Variants in ARHGAP35 observed in about 807,000 individuals in gnomAD.
The protein encoded by ARHGAP35 is Rho GTPase activating protein 35.
A neutral mutation model predicts 111.1 loss-of-function variants in ARHGAP35; 15 were observed. That is an observed-to-expected ratio of 0.13 (90% CI 0.09 to 0.21). The LOEUF (loss-of-function observed/expected upper bound fraction) is 0.21. Among genes scored for constraint, ARHGAP35 ranks in the 10% least tolerant of loss-of-function variants. The pLI is 1.00. For synonymous variants in ARHGAP35, 643 were observed against 710.3 expected (o/e 0.91, Z 1.51); for missense variants, 1,262 against 1,873.0 (o/e 0.67, Z 6.02).
chr19:46,870,102 A>G (rs543505405), intron 1 of ARHGAP35, among the ~76,000 whole-genome samples: 2 of 151,326 alleles, frequency 1.3e-5, no homozygotes, highest in South Asian at 2.1e-4. Flanking sequence ...GCCCGCCACC[A>G]TGCCTGGCTA....
chr19:46,935,745 G>A (rs1253398551), intron 2 of ARHGAP35, among the ~76,000 whole-genome samples: 1 of 152,118 alleles, frequency 6.6e-6, no homozygotes, highest in African/African-American at 2.4e-5. Context: ...ATCCTATTTG[G>A]TTACTTTTCT....
chr19:46,925,023 G>A (rs978283096), intron 2 of ARHGAP35, among the ~76,000 whole-genome samples: 1 of 152,172 alleles, frequency 6.6e-6, no homozygotes, highest in Non-Finnish European at 1.5e-5. Context: ...TTCCTAACCT[G>A]AGACTTCCTT....
intron 1 of ARHGAP35, among the ~76,000 whole-genome samples, chr19:46,905,009 C>G (rs1410337182): frequency 6.6e-6 from 1 of 152,174 alleles, no homozygotes; most frequent in Admixed American, 6.5e-5. Context: ...TCCTGTCTAT[C>G]TAGCTGAGTT....
intron 3 of ARHGAP35, among the ~76,000 whole-genome samples, chr19:46,971,275 G>T (rs370925761): frequency 2.6e-5 from 4 of 151,958 alleles, no homozygotes; most frequent in African/African-American, 7.2e-5. Context: ...GCGTGGTGGC[G>T]TGCGTCTGTA....
Position 46,992,532 on chromosome 19 carries a change from G to A in ARHGAP35, c.4036+2857G>A, listed in dbSNP as rs577548358. ...AGTCGCTCTTGCCTGGTTTCTCCCCGTCTCTGTGACTCCCTCCTCCCTGCC... is the reference window on the plus strand; with the variant it reads ...AGTCGCTCTTGCCTGGTTTCTCCCCATCTCTGTGACTCCCTCCTCCCTGCC... On this transcript the variant is annotated intron_variant, in intron 5 of 6. Transcript: ENST00000672722. The surrounding 1 kb of genome is among the most constrained non-coding windows in gnomAD (Gnocchi z 4.4). Among the ~76,000 whole-genome samples, 35 of 146,502 alleles carry A rather than the reference G, an allele frequency of 2.4e-4. 1 individual carries two copies. In the South Asian group the frequency reaches 5.3e-3, roughly 22 times the overall value.
intron 3 of ARHGAP35, among the ~76,000 whole-genome samples, chr19:46,983,355 AC>A (rs1333936586): frequency 2.0e-5 from 3 of 152,136 alleles, no homozygotes; most frequent in Admixed American, 1.3e-4. Context: ...TATTGTGAGA[AC>A]TGCTATGAAA....
At chr19:46,948,999 T>C (rs1310013428) in intron 3 of ARHGAP35, 3 of 151,904 alleles carry the variant, frequency 2.0e-5, no homozygotes, top group Non-Finnish European at 4.4e-5. Flanking sequence ...TTACTAAAAA[T>C]ACAAAAAATT....
intron 3 of ARHGAP35, among the ~76,000 whole-genome samples, chr19:46,972,033 G>A (rs1364403892): frequency 6.6e-6 from 1 of 152,124 alleles, no homozygotes; most frequent in Admixed American, 6.5e-5. Context: ...TTTTTGAGAT[G>A]GAGTCTCGCT....
chr19:46,883,158 G>A (rs149322456), intron 1 of ARHGAP35, among the ~76,000 whole-genome samples: 2,978 of 151,756 alleles, frequency 0.02, 90 homozygotes, highest in African/African-American at 0.067. Context: ...GTAGTGGCAC[G>A]ATCTCGGCTC....
At chr19:46,866,561 G>A (rs946009769) in intron 1 of ARHGAP35, among the ~76,000 whole-genome samples, 1 of 152,188 alleles carries the variant, frequency 6.6e-6, no homozygotes, top group African/African-American at 2.4e-5. Context: ...TCTGATTGTA[G>A]ATTCTTGTTG....
chr19:46,972,705 A>T (rs2056557509), intron 3 of ARHGAP35, among the ~76,000 whole-genome samples: 2 of 152,232 alleles, frequency 1.3e-5, no homozygotes, highest in Non-Finnish European at 2.9e-5. Context: ...TGGAGCTCAC[A>T]TTGCCAGGCC....
intron 3 of ARHGAP35, among the ~76,000 whole-genome samples, chr19:46,985,501 G>T (rs948400250): frequency 6.6e-6 from 1 of 152,248 alleles, no homozygotes; most frequent in Non-Finnish European, 1.5e-5. Context: ...CCTCTTAGCA[G>T]CTATGATCTG....
intron 1 of ARHGAP35, among the ~76,000 whole-genome samples, chr19:46,867,400 A>C (rs1417476320): frequency 1.3e-5 from 2 of 152,168 alleles, no homozygotes; most frequent in Non-Finnish European, 2.9e-5. Context: ...TGGTAATTGC[A>C]TTTGGACAAT....
chr19:46,888,945 A>G (rs909306342), intron 1 of ARHGAP35, among the ~76,000 whole-genome samples: 1 of 151,168 alleles, frequency 6.6e-6, no homozygotes, highest in Non-Finnish European at 1.5e-5. Context: ...GGTTGCAGTG[A>G]GCCAAGATCA....
intron 1 of ARHGAP35, among the ~76,000 whole-genome samples, chr19:46,861,997 C>G (rs939852126): frequency 6.6e-6 from 1 of 152,196 alleles, no homozygotes; most frequent in Non-Finnish European, 1.5e-5. Context: ...CCCTTCCGTG[C>G]CCCAGCTCAT....
rs537873271 is a variant in ARHGAP35 at position 46,874,810 on chromosome 19, CTT to C, written c.-189+13619_-189+13620del. ...AGCCACTGCGCCCGGCAGTTTTGTC[CTT>C]TTTTTTTTTTTTTTTTTGAGACGGA... is the stretch of plus-strand genomic sequence containing the variant. On this transcript the variant is annotated intron_variant, in intron 1 of 6. Coordinates refer to ENST00000672722, the MANE Select transcript of ARHGAP35 (RefSeq NM_004491.5). Among the ~76,000 whole-genome samples, 223 of 88,138 alleles carry C rather than the reference CTT, an allele frequency of 2.5e-3. 1 individual carries two copies. Among genetic ancestry groups the C allele is most frequent in the African/African-American group, 7.5e-3 (156 of 20,802 alleles). 57.8% of individuals were successfully genotyped at this position (88,138 alleles called of 152,430 possible).
intron 2 of ARHGAP35, among the ~76,000 whole-genome samples, chr19:46,931,511 A>G (rs1293792072): frequency 6.6e-6 from 1 of 152,154 alleles, no homozygotes; most frequent in East Asian, 1.9e-4. Flanking sequence ...AAAAGCCGAG[A>G]GACCAGAGGT....
intron 1 of ARHGAP35, among the ~76,000 whole-genome samples, chr19:46,893,686 T>A (rs1342609712): frequency 1.3e-5 from 2 of 151,742 alleles, no homozygotes; most frequent in Non-Finnish European, 2.9e-5. Flanking sequence ...CCAATAGGAG[T>A]ATGAACTAAT....
intron 3 of ARHGAP35, chr19:46,947,674 G>T (rs115305098): frequency 1.3e-5 from 2 of 152,058 alleles, no homozygotes; most frequent in Non-Finnish European, 2.9e-5. Context: ...TTCCAAAACC[G>T]TCTACCTAGA....
Sources: gnomAD v4.1 joint callset for allele counts (sites outside exome capture counted in the v4.1 genomes callset) on GRCh38, gnomAD v4.1.1 for gene constraint, Gnocchi (gnomAD v3.1) non-coding constraint, MANE v1.5 for transcripts, NCBI Gene and HGNC (gene_info 2026-07-23, HGNC 2026-07-21) for gene names.